LRP12: variants seen among roughly 807,000 people sequenced by gnomAD.
LRP12 encodes low-density lipoprotein receptor-related protein 12.
LRP12 carries 14 observed loss-of-function variants against 66.0 expected under a neutral mutation model. The observed-to-expected ratio is 0.21, with a 90% confidence interval of 0.14 to 0.33. The LOEUF (loss-of-function observed/expected upper bound fraction) is 0.33, where lower values mean the gene tolerates loss of function less well. Among genes scored for constraint, LRP12 ranks in the 10% least tolerant of loss-of-function variants. The probability of loss-of-function intolerance (pLI) is 1.00; values close to 1 mark genes in which losing one functional copy is unlikely to be tolerated. For synonymous variants in LRP12, 357 were observed against 359.1 expected, an observed-to-expected ratio of 0.99 and a Z score of 0.07; for missense variants, 889 against 1,053.4, an observed-to-expected ratio of 0.84 and a Z score of 2.16.
chr8:104,534,303 T>C (rs981699386), intron 1 of LRP12, among the ~76,000 whole-genome samples: 1 of 152,056 alleles, frequency 6.6e-6, no homozygotes, highest in African/African-American at 2.4e-5. Flanking sequence ...TGTATGTCTA[T>C]GCATTTATAT....
chr8:104,493,506 C>T (rs1049093500), intron 6 of LRP12, among the ~76,000 whole-genome samples: 3 of 152,194 alleles, frequency 2.0e-5, no homozygotes, highest in Non-Finnish European at 4.4e-5. Flanking sequence ...GCTTTTGGTA[C>T]ATCATCTCCA....
intron 1 of LRP12, among the ~76,000 whole-genome samples, chr8:104,585,997 G>A (rs756034900): frequency 3.9e-5 from 6 of 152,298 alleles, no homozygotes; most frequent in Admixed American, 6.5e-5. Flanking sequence ...AGGACAATGC[G>A]TAGCAAAGCT....
At position 104,548,395 on chromosome 8, in the gene LRP12, A is replaced by T. The variant is rs1342764372; in HGVS notation, c.80-16432T>A. Among the ~76,000 whole-genome samples, 17 of 92,770 alleles carry T rather than the reference A, an allele frequency of 1.8e-4. 1 individual carries two copies. Among genetic ancestry groups the T allele is most frequent in the African/African-American group, 8.7e-4 (17 of 19,596 alleles). The allele number at this position is 92,770 out of a possible 152,430, so 60.9% of individuals were successfully genotyped here. A position where few individuals can be genotyped will look rare whatever the true frequency, so the allele number is the denominator to read the frequency against. On this transcript the variant is annotated intron_variant, in intron 1 of 6. Transcript: ENST00000276654. The stretch of plus-strand genomic sequence containing the variant: ...TATATTATATAAATATATAATATAT[A>T]TTATATAAATATATGATATATTAAT...
intron 2 of LRP12, among the ~76,000 whole-genome samples, chr8:104,511,027 T>C (rs1268066640): frequency 5.6e-5 from 7 of 124,286 alleles, no homozygotes; most frequent in Non-Finnish European, 1.2e-4. Flanking sequence ...TTTGGAAAAA[T>C]GACTTTTTTT....
intron 1 of LRP12, among the ~76,000 whole-genome samples, chr8:104,533,664 G>T (rs1468443010): frequency 6.6e-6 from 1 of 151,926 alleles, no homozygotes; most frequent in Non-Finnish European, 1.5e-5. Flanking sequence ...TTATGCCCAG[G>T]AGAGTTTTAA....
Position 104,499,303 on chromosome 8 carries a change from A to G in LRP12, c.475+14T>C. ...TAAAATTCAGTTCAATATCTTTCTT[A>G]TTTAAAAACACACCTGAAAAATATG... is the stretch of plus-strand genomic sequence containing the variant. On this transcript the variant is annotated intron_variant, in intron 4 of 6. Coordinates refer to ENST00000276654, the MANE Select transcript of LRP12 (RefSeq NM_013437.5). The G allele has an allele frequency of 6.2e-7, 1 of 1,600,844 alleles. No individual in the cohort carries two copies. Among genetic ancestry groups the G allele is most frequent in the East Asian group, 2.2e-5 (1 of 44,744 alleles).
chr8:104,494,940 A>G (rs1303864260), intron 6 of LRP12, 137 bp downstream of exon 6: 9 of 670,034 alleles, frequency 1.3e-5, no homozygotes, highest in Non-Finnish European at 2.2e-5. Flanking sequence ...AATGAAAACT[A>G]TGACTTCAAA....
chr8:104,587,059 C>T (rs904429922), intron 1 of LRP12, among the ~76,000 whole-genome samples: 3 of 152,148 alleles, frequency 2.0e-5, no homozygotes, highest in African/African-American at 7.2e-5. Context: ...AAAGAATGCA[C>T]CAAAACAAAT....
At chr8:104,575,508 G>A (rs930839791) in intron 1 of LRP12, among the ~76,000 whole-genome samples, 9 of 152,156 alleles carry the variant, frequency 5.9e-5, no homozygotes, top group African/African-American at 1.7e-4. Flanking sequence ...TCCAGGAGTC[G>A]GGAGCTGAGC....
chr8:104,524,696 A>C (rs2140856454), intron 2 of LRP12, among the ~76,000 whole-genome samples: 1 of 152,294 alleles, frequency 6.6e-6, no homozygotes, highest in South Asian at 2.1e-4. Context: ...TTAATATACT[A>C]CTATTAATTA....
chr8:104,498,175 C>A, intron 4 of LRP12, 99 bp from the exon 5 acceptor site: 2 of 1,195,548 alleles, frequency 1.7e-6, no homozygotes, highest in South Asian at 3.4e-5. Flanking sequence ...AATAAATGTT[C>A]ATAAAGCCCA....
intron 6 of LRP12, among the ~76,000 whole-genome samples, chr8:104,494,558 T>C (rs887984679): frequency 6.6e-6 from 1 of 152,170 alleles, no homozygotes; most frequent in African/African-American, 2.4e-5. Flanking sequence ...GAGAAAAATT[T>C]TTTTAATTGC....
intron 3 of LRP12, among the ~76,000 whole-genome samples, chr8:104,502,403 G>A (rs1282549295): frequency 6.6e-6 from 1 of 152,114 alleles, no homozygotes; most frequent in African/African-American, 2.4e-5. Flanking sequence ...CACAATTCAT[G>A]GGTCAGCTAA....
chr8:104,557,567 G>A (rs1174181303), intron 1 of LRP12, among the ~76,000 whole-genome samples: 1 of 151,244 alleles, frequency 6.6e-6, no homozygotes, highest in Non-Finnish European at 1.5e-5. Context: ...TAACCAAGGA[G>A]GTGAAAGACC....
chr8:104,494,057 C>T (rs765744223), intron 6 of LRP12, among the ~76,000 whole-genome samples: 10 of 152,106 alleles, frequency 6.6e-5, no homozygotes, highest in Non-Finnish European at 1.0e-4. Context: ...TGAAGACAAT[C>T]TTGTGTGTAC....
At chr8:104,505,566 C>T (rs761037949) in intron 3 of LRP12, 1 of 151,992 alleles carries the variant, frequency 6.6e-6, no homozygotes, top group Non-Finnish European at 1.5e-5. Context: ...CCATGCCCAG[C>T]TAATTTTTGT....
chr8:104,559,576 A>G (rs113540750), intron 1 of LRP12, among the ~76,000 whole-genome samples: 3,621 of 152,160 alleles, frequency 0.024, 108 homozygotes, highest in African/African-American at 0.065. Context: ...TTATTCATGT[A>G]ACCAAACACC....
intron 1 of LRP12, among the ~76,000 whole-genome samples, chr8:104,568,293 A>C (rs917256251): frequency 6.6e-6 from 1 of 152,208 alleles, no homozygotes; most frequent in Non-Finnish European, 1.5e-5. Context: ...AAACCTATAT[A>C]TAACAGCAAA....
chr8:104,517,209 C>A (rs1811082657), intron 2 of LRP12, among the ~76,000 whole-genome samples: 1 of 149,808 alleles, frequency 6.7e-6, no homozygotes, highest in Non-Finnish European at 1.5e-5. Flanking sequence ...TAATACAGTA[C>A]ATGATTTAAT....
Sources: gnomAD v4.1 joint callset for allele counts (sites outside exome capture counted in the v4.1 genomes callset) on GRCh38, gnomAD v4.1.1 for gene constraint, MANE v1.5 for transcripts, NCBI Gene and HGNC (gene_info 2026-07-23, HGNC 2026-07-21) for gene names.